Variants in NELL1 observed in about 807,000 individuals in gnomAD.
NELL1 encodes neural EGFL like 1, also known as protein kinase C-binding protein NELL1.
In NELL1, 76 loss-of-function variants were observed where a neutral mutation model predicts 107.4. The observed-to-expected ratio is 0.71, with a 90% CI of 0.59 to 0.86. The LOEUF is 0.86. NELL1 is among the 40% of genes least tolerant of loss of function. The pLI is 0.00. For missense variants in NELL1, 1,024 were observed against 1,005.5 expected, an observed-to-expected ratio of 1.02 and a Z score of -0.25; for synonymous variants, 353 against 341.2, an observed-to-expected ratio of 1.03 and a Z score of -0.38.
At chr11:21,243,142 TA>T (rs200140616) in intron 14 of NELL1, among the ~76,000 whole-genome samples, 3,559 of 152,244 alleles carry the variant, frequency 0.023, 46 homozygotes, top group Non-Finnish European at 0.037. Context: ...TGAAAGATAC[TA>T]GGCAGGGATA....
intron 12 of NELL1, among the ~76,000 whole-genome samples, chr11:21,083,226 A>G (rs1590620288): frequency 6.6e-6 from 1 of 152,214 alleles, no homozygotes; most frequent in African/African-American, 2.4e-5. Flanking sequence ...GAGGAAAATG[A>G]TCAGAAGTGT....
chr11:21,276,727 C>T (rs1848872628), intron 14 of NELL1, among the ~76,000 whole-genome samples: 1 of 152,056 alleles, frequency 6.6e-6, no homozygotes, highest in South Asian at 2.1e-4. Context: ...AGAACGGAGC[C>T]CTCAGAAATA....
At chr11:20,731,072 A>G (rs889669536) in intron 2 of NELL1, among the ~76,000 whole-genome samples, 5 of 89,574 alleles carry the variant, frequency 5.6e-5, no homozygotes, top group African/African-American at 1.8e-4. Context: ...ATCGGTATGT[A>G]TGAGTCAGGA....
At chr11:21,103,840 C>G (rs1590639033) in intron 12 of NELL1, among the ~76,000 whole-genome samples, 1 of 152,286 alleles carries the variant, frequency 6.6e-6, no homozygotes, top group Admixed American at 6.5e-5. Context: ...CTTCCCCAGT[C>G]TCTTTCAACG....
At chr11:21,321,003 A>C (rs556549635) in intron 14 of NELL1, among the ~76,000 whole-genome samples, 12 of 152,316 alleles carry the variant, frequency 7.9e-5, no homozygotes, top group Admixed American at 7.2e-4. Context: ...TGGGGCAATC[A>C]ATACATTCTA....
At chr11:20,787,007 C>CAAAAAAAAAAAAAAAA (rs71443763) in intron 3 of NELL1, among the ~76,000 whole-genome samples, 1 of 60,854 alleles carries the variant, frequency 1.6e-5, no homozygotes, top group African/African-American at 8.1e-5. Context: ...GACTCCGTCT[C>CAAAAAAAAAAAAAAAA]AAAAAAAAAA....
intron 15 of NELL1, among the ~76,000 whole-genome samples, chr11:21,492,185 C>A (rs1330289697): frequency 6.6e-6 from 1 of 152,130 alleles, no homozygotes; most frequent in Non-Finnish European, 1.5e-5. Context: ...CAAATCAAAT[C>A]CACAGTGAGA....
At chr11:20,710,726 G>C (rs1310228968) in intron 2 of NELL1, among the ~76,000 whole-genome samples, 2 of 151,714 alleles carry the variant, frequency 1.3e-5, no homozygotes, top group East Asian at 1.9e-4. Context: ...ACTTGTTATT[G>C]GTCTCTTCAG....
chr11:21,309,339 A>G (rs1400724380), intron 14 of NELL1, among the ~76,000 whole-genome samples: 5 of 143,812 alleles, frequency 3.5e-5, no homozygotes, highest in African/African-American at 1.3e-4. Flanking sequence ...CCTGAATATG[A>G]ATAAACTTTC....
Position 20,821,898 on chromosome 11 carries a change from A to G in NELL1, c.336-25685A>G, listed in dbSNP as rs72942531. ...GAAGAAGAGCCATCAGAAAGCTCTT[A>G]TTTAATACCCTCAAAGAGATTAGCT... On this transcript the variant is annotated intron_variant, in intron 3 of 19. Transcript: ENST00000357134. 4.5e-3 allele frequency among the ~76,000 whole-genome samples: 690 copies of G among 152,352 alleles called. 8 individuals are homozygous for G. Among genetic ancestry groups the G allele is most frequent in the Middle Eastern group, 0.014 (4 of 294 alleles).
At chr11:21,240,770 G>A (rs1038060816) in intron 14 of NELL1, among the ~76,000 whole-genome samples, 2 of 146,028 alleles carry the variant, frequency 1.4e-5, no homozygotes, top group Non-Finnish European at 3.0e-5. Context: ...TTCTAGTGGG[G>A]GGGGGGAGGG....
At chr11:21,460,630 C>G (rs1853877435) in intron 15 of NELL1, among the ~76,000 whole-genome samples, 1 of 152,044 alleles carries the variant, frequency 6.6e-6, no homozygotes, top group African/African-American at 2.4e-5. Flanking sequence ...TAAGAATAAA[C>G]TGGGGATAAA....
intron 12 of NELL1, among the ~76,000 whole-genome samples, chr11:21,044,814 G>C (rs1353180289): frequency 6.6e-6 from 1 of 152,112 alleles, no homozygotes; most frequent in African/African-American, 2.4e-5. Context: ...TATCAAATGA[G>C]AGCTGTAAAG....
intron 15 of NELL1, among the ~76,000 whole-genome samples, chr11:21,516,738 CATACACACACACACACACACACAG>C (rs1855573005): frequency 7.0e-6 from 1 of 142,260 alleles, no homozygotes; most frequent in African/African-American, 2.8e-5. Flanking sequence ...CACACACACA[CATACACACACACACACACACACAG>C]ACACACACAC....
chr11:20,935,983 G>C lies in NELL1; in HGVS notation c.998-1803G>C, dbSNP rs146516463. 3.0e-4 allele frequency among the ~76,000 whole-genome samples: 45 copies of C among 152,220 alleles called. No homozygotes were observed. In the East Asian group the frequency reaches 8.7e-3, roughly 29 times the overall value. On this transcript the variant is annotated intron_variant, in intron 9 of 19. Coordinates refer to ENST00000357134, the MANE Select transcript of NELL1 (RefSeq NM_006157.5). The stretch of plus-strand genomic sequence containing the variant: ...GGAACATATTTGGGTGGGGAGTGAG[G>C]TTGCTGCAGGTCAGGTTCTGAGGGG...
chr11:21,358,565 ATTTTTTTTT>A (rs75578174), intron 14 of NELL1, among the ~76,000 whole-genome samples: 5 of 97,682 alleles, frequency 5.1e-5, no homozygotes, highest in African/African-American at 1.5e-4. Flanking sequence ...TGCCCTGATA[ATTTTTTTTT>A]TTTTTTTTTT....
chr11:21,319,131 ATG>A lies in NELL1; in HGVS notation c.1550-51698_1550-51697del, dbSNP rs35208989. On this transcript the variant is annotated intron_variant, in intron 14 of 19. Coordinates refer to ENST00000357134, the MANE Select transcript of NELL1 (RefSeq NM_006157.5). ...CTACTAAGAGTGACATCTCAGCAAT[ATG>A]TGTGTGTGTGTGTGTGTGTGTGTAT... 4.1e-3 allele frequency among the ~76,000 whole-genome samples: 603 copies of A among 146,684 alleles called. 11 individuals are homozygous for A. The highest frequency in any genetic ancestry group is 0.014 in the African/African-American group (554 of 39,960).
At chr11:21,118,488 A>G (rs1855287902) in intron 13 of NELL1, among the ~76,000 whole-genome samples, 1 of 152,028 alleles carries the variant, frequency 6.6e-6, no homozygotes, top group African/African-American at 2.4e-5. Context: ...AACCTCTGCC[A>G]TTTTTTATAG....
intron 13 of NELL1, among the ~76,000 whole-genome samples, chr11:21,183,961 G>T (rs532877454): frequency 1.3e-5 from 2 of 151,676 alleles, no homozygotes; most frequent in African/African-American, 4.9e-5. Context: ...TAGGTGGAAA[G>T]AATAAATTTG....
Sources: gnomAD v4.1 joint callset for allele counts (sites outside exome capture counted in the v4.1 genomes callset) on GRCh38, gnomAD v4.1.1 for gene constraint, MANE v1.5 for transcripts, NCBI Gene and HGNC (gene_info 2026-07-23, HGNC 2026-07-21) for gene names.